MTBP: variants seen among roughly 807,000 people sequenced by gnomAD.
MTBP encodes mdm2-binding protein.
Under a neutral mutation model 117.0 loss-of-function variants are expected in MTBP, and 101 were observed. The observed-to-expected ratio is 0.86, with a 90% CI of 0.73 to 1.02. MTBP has a LOEUF of 1.02. Among genes scored for constraint, MTBP ranks in the 50% least tolerant of loss-of-function variants. The probability of loss-of-function intolerance (pLI) is 0.00; values close to 1 mark genes in which losing one functional copy is unlikely to be tolerated. For synonymous variants in MTBP, 350 were observed against 351.5 expected, an observed-to-expected ratio of 1.00 and a Z score of 0.05; for missense variants, 970 against 1,030.9, an observed-to-expected ratio of 0.94 and a Z score of 0.81.
chr8:120,478,662 G>C (rs1814001294), intron 11 of MTBP, among the ~76,000 whole-genome samples: 3 of 152,116 alleles, frequency 2.0e-5, no homozygotes, highest in Non-Finnish European at 4.4e-5. Context: ...TATTTTTAGA[G>C]GGACTAGATA....
intron 11 of MTBP, among the ~76,000 whole-genome samples, chr8:120,477,067 G>A (rs977094316): frequency 2.0e-5 from 3 of 152,120 alleles, no homozygotes; most frequent in Non-Finnish European, 4.4e-5. Context: ...TAGACCAATG[G>A]AACAGAACAG....
At chr8:120,506,432 C>A (rs965271464) in intron 15 of MTBP, among the ~76,000 whole-genome samples, 11 of 152,136 alleles carry the variant, frequency 7.2e-5, no homozygotes, top group African/African-American at 2.4e-4. Context: ...AATTATGTTT[C>A]TTTTAAGTAG....
intron 11 of MTBP, among the ~76,000 whole-genome samples, chr8:120,478,243 G>A (rs1471189047): frequency 6.6e-6 from 1 of 152,094 alleles, no homozygotes; most frequent in African/African-American, 2.4e-5. Flanking sequence ...TCACATACTG[G>A]GGCCTGTCAG....
rs550201105 is a variant in MTBP at position 120,482,531 on chromosome 8, T to C, written c.1166-5628T>C. On this transcript the variant is annotated intron_variant, in intron 11 of 21. Transcript: ENST00000305949. ...TTCTCTATTCATTGTAGCTTTCAAATTGTGTATTTTATTATATAGTAATTG... is the reference window on the plus strand; with the variant it reads ...TTCTCTATTCATTGTAGCTTTCAAACTGTGTATTTTATTATATAGTAATTG... 3.3e-4 allele frequency among the ~76,000 whole-genome samples: 51 copies of C among 152,296 alleles called. No individual in the cohort carries two copies. The South Asian group carries it at 9.9e-3, about 30-fold the overall frequency.
At chr8:120,521,391 A>C (rs7016071) in intron 20 of MTBP, among the ~76,000 whole-genome samples, 81,360 of 152,130 alleles carry the variant, frequency 0.53, 24,796 homozygotes, top group Non-Finnish European at 0.67. Context: ...AACACTGCCT[A>C]TTTACAATCA....
Position 120,451,078 on chromosome 8 carries a change from T to G in MTBP, c.273+2T>G. 6.2e-7 allele frequency: 1 copy of G among 1,607,212 alleles called. No individual in the cohort carries two copies. Among genetic ancestry groups the G allele is most frequent in the Non-Finnish European group, 8.5e-7 (1 of 1,176,226 alleles). On this transcript the variant is annotated splice_donor_variant, in intron 3 of 21. Transcript: ENST00000305949. LOFTEE classifies it high-confidence loss of function. ...CAGGCAATATATGGATTTTATCAGG[T>G]AATATAAATTTAAAGATAGCTACTA...
intron 11 of MTBP, among the ~76,000 whole-genome samples, chr8:120,487,204 C>T (rs1264007037): frequency 6.6e-6 from 1 of 152,176 alleles, no homozygotes; most frequent in Non-Finnish European, 1.5e-5. Context: ...AGGCCTGTTT[C>T]TCAAGTTGAC....
In MTBP at chr8:120,457,731, T is replaced by C. The variant is rs560580972; in HGVS notation, c.747+1061T>C. 1.3e-3 allele frequency among the ~76,000 whole-genome samples: 201 copies of C among 152,242 alleles called. 1 individual carries two copies. The highest frequency in any genetic ancestry group is 2.1e-3 in the Non-Finnish European group (140 of 68,006). ...CGAGGTCAGGAGATCGAGACCATCC[T>C]GGCTAACACGGTAAAACCTCGTCTC... On this transcript the variant is annotated intron_variant, in intron 7 of 21. Transcript: ENST00000305949.
At chr8:120,505,361 T>C (rs981129350) in intron 15 of MTBP, among the ~76,000 whole-genome samples, 1 of 152,178 alleles carries the variant, frequency 6.6e-6, no homozygotes, top group Non-Finnish European at 1.5e-5. Context: ...TTCTGGGCCA[T>C]CACCACTGAC....
At chr8:120,456,846 C>A (rs1238793367) in intron 7 of MTBP, among the ~76,000 whole-genome samples, 176 bp downstream of exon 7, 2 of 152,228 alleles carry the variant, frequency 1.3e-5, no homozygotes, top group East Asian at 3.9e-4. Flanking sequence ...AGCCTACAAA[C>A]CACTTATTGC....
chr8:120,468,903 C>G (rs1049789262), intron 10 of MTBP, among the ~76,000 whole-genome samples: 1 of 152,192 alleles, frequency 6.6e-6, no homozygotes, highest in South Asian at 2.1e-4. Flanking sequence ...TCATCGCCCA[C>G]TTTTCATCAC....
chr8:120,446,676 C>T (rs993356157), intron 2 of MTBP, among the ~76,000 whole-genome samples, 163 bp downstream of exon 2: 1 of 152,004 alleles, frequency 6.6e-6, no homozygotes, highest in Non-Finnish European at 1.5e-5. Flanking sequence ...AATAAATTAC[C>T]CCTTTCTTCT....
intron 11 of MTBP, among the ~76,000 whole-genome samples, chr8:120,476,311 C>A (rs1813937870): frequency 6.6e-6 from 1 of 152,078 alleles, no homozygotes; most frequent in African/African-American, 2.4e-5. Context: ...ACTGAATGGG[C>A]AAAACCTGGA....
intron 7 of MTBP, among the ~76,000 whole-genome samples, chr8:120,458,223 A>G (rs1301645090): frequency 6.6e-6 from 1 of 152,194 alleles, no homozygotes; most frequent in East Asian, 1.9e-4. Flanking sequence ...CATAGATTCT[A>G]GAGTTATATT....
intron 15 of MTBP, among the ~76,000 whole-genome samples, chr8:120,503,590 A>G (rs1814628223): frequency 6.6e-6 from 1 of 152,116 alleles, no homozygotes; most frequent in African/African-American, 2.4e-5. Flanking sequence ...GTCCTCATAC[A>G]CAGTTCAGAT....
chr8:120,475,068 C>T (rs1349639414), intron 11 of MTBP, among the ~76,000 whole-genome samples: 1 of 151,092 alleles, frequency 6.6e-6, no homozygotes, highest in Non-Finnish European at 1.5e-5. Context: ...AGAACAAAAT[C>T]CTTTCCCTAA....
chr8:120,451,409 T>A, intron 4 of MTBP, 87 bp downstream of exon 4: 1 of 1,204,212 alleles, frequency 8.3e-7, no homozygotes, highest in Non-Finnish European at 1.2e-6. Flanking sequence ...TTATATATTT[T>A]AGCATCTTTA....
chr8:120,493,738 G>A (rs993871235), intron 13 of MTBP, among the ~76,000 whole-genome samples: 51 of 152,000 alleles, frequency 3.4e-4, no homozygotes, highest in African/African-American at 1.1e-3. Context: ...TGATCCACCC[G>A]CTTCGGCCTC....
At chr8:120,463,510 T>A (rs944282802) in intron 9 of MTBP, among the ~76,000 whole-genome samples, 182 bp from the exon 10 acceptor site, 2 of 152,130 alleles carry the variant, frequency 1.3e-5, no homozygotes, top group African/African-American at 2.4e-5. Flanking sequence ...ATTTTCAGAA[T>A]CAAACAAATA....
Sources: gnomAD v4.1 joint callset for allele counts (sites outside exome capture counted in the v4.1 genomes callset) on GRCh38, gnomAD v4.1.1 for gene constraint, MANE v1.5 for transcripts, NCBI Gene and HGNC (gene_info 2026-07-23, HGNC 2026-07-21) for gene names.